The following BCL11B variants were observed in gnomAD, a reference collection of about 807,000 sequenced individuals.
The protein encoded by BCL11B is BCL11 transcription factor B, also known as B-cell lymphoma/leukemia 11B.
BCL11B carries 8 observed loss-of-function variants against 49.9 expected under a neutral mutation model. That is an observed-to-expected ratio of 0.16 (90% CI 0.09 to 0.29). The LOEUF is 0.29. BCL11B is among the 10% of genes least tolerant of loss of function. The probability of loss-of-function intolerance (pLI) is 1.00; values close to 1 mark genes in which losing one functional copy is unlikely to be tolerated. For missense variants in BCL11B, 1,006 were observed against 1,351.0 expected (o/e 0.74, Z 4.00); for synonymous variants, 739 against 637.4 (o/e 1.16, Z -2.40).
chr14:99,220,873 C>T (rs953012845), intron 3 of BCL11B, among the ~76,000 whole-genome samples: 3 of 152,126 alleles, frequency 2.0e-5, no homozygotes, highest in East Asian at 1.9e-4. Flanking sequence ...TATTTTTAGA[C>T]AGCATCTCGC....
At chr14:99,211,505 T>A (rs941737766) in intron 3 of BCL11B, among the ~76,000 whole-genome samples, 1 of 152,234 alleles carries the variant, frequency 6.6e-6, no homozygotes, top group African/African-American at 2.4e-5. Context: ...CATGCATCCA[T>A]GGGCACACAC....
At position 99,174,880 on chromosome 14, in the gene BCL11B, G is replaced by A. The variant is rs963008719; in HGVS notation, c.1956C>T (p.Asn652=). 5 of 1,122,700 alleles carry A rather than the reference G, an allele frequency of 4.5e-6. No homozygotes were observed. The highest frequency in any genetic ancestry group is 4.2e-5 in the South Asian group (1 of 23,630). 69.5% of individuals were successfully genotyped at this position (1,122,700 alleles called of 1,614,324 possible). ...CGDAGAGGAV[N]GRGGGFAPGT... is the part of the protein sequence containing the mutation. Reference sequence around the variant, plus strand: ...CTGGCGCGAAGCCGCCCCCGCGCCCGTTGACCGCGCCGCCCGCGCCCGCGT... The same window carrying A: ...CTGGCGCGAAGCCGCCCCCGCGCCCATTGACCGCGCCGCCCGCGCCCGCGT... Residue 652 remains asparagine, a synonymous_variant, in exon 4 of 4, where the codon AAC becomes AAT. Transcript: ENST00000357195.
chr14:99,267,552 C>G (rs959270298), intron 1 of BCL11B, among the ~76,000 whole-genome samples: 8 of 146,990 alleles, frequency 5.4e-5, no homozygotes, highest in African/African-American at 2.0e-4. Flanking sequence ...TCACCCCCCC[C>G]CCACCAACTA....
chr14:99,230,624 T>G (rs1441226378), intron 3 of BCL11B, among the ~76,000 whole-genome samples: 3 of 152,096 alleles, frequency 2.0e-5, no homozygotes, highest in African/African-American at 7.2e-5. Context: ...GCAGGGCAGG[T>G]AGAGGCCAGT....
intron 3 of BCL11B, among the ~76,000 whole-genome samples, chr14:99,200,789 A>G (rs1272669318): frequency 2.0e-5 from 3 of 152,204 alleles, no homozygotes; most frequent in African/African-American, 7.2e-5. Context: ...AAGCTTCCAG[A>G]GGGCAGAGAC....
rs935326259 is a variant in BCL11B, at chr14:99,231,701, G to A, written c.428-144C>T. On this transcript the variant is annotated intron_variant, in intron 2 of 3. Coordinates refer to ENST00000357195, the MANE Select transcript of BCL11B (RefSeq NM_138576.4). This position sits in a 1 kb window ranked among gnomAD's most constrained non-coding sequence, Gnocchi z 8.1. Reference sequence around the variant, plus strand: ...GCCCCCGGGGTGCCAGGCCCTGCAGGGAAGGCAATCGGGACACAGGCGAGG... The same window carrying A: ...GCCCCCGGGGTGCCAGGCCCTGCAGAGAAGGCAATCGGGACACAGGCGAGG... The A allele has an allele frequency of 3.6e-6, 3 of 832,340 alleles. No homozygotes were observed. The highest frequency in any genetic ancestry group is 5.1e-5 in the Admixed American group (2 of 39,450). The allele number at this position is 832,340 out of a possible 1,614,324, so 51.6% of individuals were successfully genotyped here.
intron 3 of BCL11B, among the ~76,000 whole-genome samples, chr14:99,225,340 G>C (rs1234305947): frequency 6.6e-6 from 1 of 152,144 alleles, no homozygotes. Flanking sequence ...GATTGTTATA[G>C]ACTGACTTGA....
intron 3 of BCL11B, among the ~76,000 whole-genome samples, chr14:99,199,706 G>A (rs28368923): frequency 1.5e-4 from 8 of 52,732 alleles, no homozygotes; most frequent in South Asian, 8.5e-4. Context: ...GCACGTGCAC[G>A]TGTGTGCGTG....
At chr14:99,218,095 T>C (rs1233632401) in intron 3 of BCL11B, among the ~76,000 whole-genome samples, 1 of 139,438 alleles carries the variant, frequency 7.2e-6, no homozygotes, top group Admixed American at 7.4e-5. Context: ...AGACAGAGTC[T>C]CACTCTGTTG....
At chr14:99,186,324 C>T (rs1886851540) in intron 3 of BCL11B, among the ~76,000 whole-genome samples, 1 of 152,228 alleles carries the variant, frequency 6.6e-6, no homozygotes, top group Non-Finnish European at 1.5e-5. Context: ...AGTTCAAGAC[C>T]AGCCTGGCCA....
intron 1 of BCL11B, among the ~76,000 whole-genome samples, chr14:99,263,777 T>C (rs912458763): frequency 6.7e-6 from 1 of 148,902 alleles, no homozygotes; most frequent in African/African-American, 2.5e-5. Flanking sequence ...AAAAGAATAA[T>C]GCACACACCT....
chr14:99,260,927 G>C (rs1889318205), intron 1 of BCL11B, among the ~76,000 whole-genome samples: 1 of 151,990 alleles, frequency 6.6e-6, no homozygotes, highest in Non-Finnish European at 1.5e-5. Flanking sequence ...TCCCAGACCA[G>C]AGATCCAACT....
rs1231916032 is a variant in BCL11B, at chr14:99,213,607, G to C, written c.640+17738C>G. 2.0e-5 allele frequency among the ~76,000 whole-genome samples: 3 copies of C among 152,178 alleles called. No individual in the cohort carries two copies. Among genetic ancestry groups the C allele is most frequent in the Non-Finnish European group, 4.4e-5 (3 of 68,024 alleles). Reference sequence around the variant, plus strand: ...CCAAAAGTACAAATGCAGAACCCCAGCCGGTGCCTGTCTCCCACACTCCCG... The same window carrying C: ...CCAAAAGTACAAATGCAGAACCCCACCCGGTGCCTGTCTCCCACACTCCCG... On this transcript the variant is annotated intron_variant, in intron 3 of 3. Transcript: ENST00000357195. This position sits in a 1 kb window ranked among gnomAD's most constrained non-coding sequence, Gnocchi z 5.1.
intron 3 of BCL11B, among the ~76,000 whole-genome samples, chr14:99,207,794 G>C (rs1212918422): frequency 1.3e-5 from 2 of 152,128 alleles, no homozygotes; most frequent in Non-Finnish European, 2.9e-5. Context: ...GCACCCAGGA[G>C]CCCAGTGGAG....
intron 3 of BCL11B, among the ~76,000 whole-genome samples, chr14:99,199,677 T>C (rs867993848): frequency 0.055 from 6,097 of 111,816 alleles, 166 homozygotes; most frequent in Non-Finnish European, 0.077. Flanking sequence ...TGTGTGTGTG[T>C]GTGTGTGCGC....
chr14:99,228,093 T>C lies in BCL11B; in HGVS notation c.640+3252A>G, dbSNP rs1189800914. On this transcript the variant is annotated intron_variant, in intron 3 of 3. Coordinates refer to ENST00000357195, the MANE Select transcript of BCL11B (RefSeq NM_138576.4). This position sits in a 1 kb window ranked among gnomAD's most constrained non-coding sequence, Gnocchi z 4.8. ...TGCAGATGCGGTAACAGGCACGCAA[T>C]TAACCTGTGTGAAACACGTTTACAC... is the stretch of plus-strand genomic sequence containing the variant. Among the ~76,000 whole-genome samples the C allele has an allele frequency of 6.6e-6, 1 of 152,196 alleles. No individual in the cohort carries two copies. The highest frequency in any genetic ancestry group is 2.4e-5 in the African/African-American group (1 of 41,444).
chr14:99,208,130 G>A (rs1887587166), intron 3 of BCL11B, among the ~76,000 whole-genome samples: 1 of 152,214 alleles, frequency 6.6e-6, no homozygotes. Context: ...CATGCATGTT[G>A]CAATGAGGAG....
intron 3 of BCL11B, among the ~76,000 whole-genome samples, chr14:99,217,213 TAC>T (rs1440790387): frequency 2.6e-5 from 4 of 152,140 alleles, no homozygotes; most frequent in African/African-American, 7.2e-5. Context: ...TGCTCACATA[TAC>T]ACTCAGACAT....
At chr14:99,178,851 C>A (rs138685147) in intron 3 of BCL11B, among the ~76,000 whole-genome samples, 1 of 152,192 alleles carries the variant, frequency 6.6e-6, no homozygotes, top group African/African-American at 2.4e-5. Flanking sequence ...AGCTTTCCGT[C>A]GCTTTAGTTT....
Sources: gnomAD v4.1 joint callset for allele counts (sites outside exome capture counted in the v4.1 genomes callset) on GRCh38, gnomAD v4.1.1 for gene constraint, Gnocchi (gnomAD v3.1) non-coding constraint, MANE v1.5 for transcripts, NCBI Gene and HGNC (gene_info 2026-07-23, HGNC 2026-07-21) for gene names.